Variants in RGS21 observed in about 807,000 individuals in gnomAD.
RGS21 encodes regulator of G protein signaling 21.
Under a neutral mutation model 18.7 loss-of-function variants are expected in RGS21, and 19 were observed. That is an observed-to-expected ratio of 1.01 (90% CI 0.71 to 1.49). The LOEUF (loss-of-function observed/expected upper bound fraction) is 1.49. Ranked by LOEUF, RGS21 falls within the 40% of genes most tolerant of loss-of-function variation. RGS21 has a pLI of 0.00. For synonymous variants in RGS21, 56 were observed against 57.8 expected (o/e 0.97, Z 0.14); for missense variants, 194 against 176.8 (o/e 1.10, Z -0.55).
chr1:192,334,963 T>C (rs770428992), intron 1 of RGS21, among the ~76,000 whole-genome samples: 7 of 152,148 alleles, frequency 4.6e-5, no homozygotes, highest in Non-Finnish European at 1.0e-4. Context: ...CTTTTTAACA[T>C]GTATTTCATA....
At chr1:192,352,983 G>A (rs1305905144) in intron 4 of RGS21, among the ~76,000 whole-genome samples, 4 of 152,076 alleles carry the variant, frequency 2.6e-5, no homozygotes, top group Middle Eastern at 3.4e-3. Context: ...AACAAAGAGC[G>A]TTAATGTATA....
At position 192,333,269 on chromosome 1, in the gene RGS21, TACACAC is replaced by T. The variant is rs137948736; in HGVS notation, c.-60-9679_-60-9674del. ...GAAAATAATTTGGCAGTTTCTTAAA[TACACAC>T]ACACACACACACACACACACACACA... On this transcript the variant is annotated intron_variant, in intron 1 of 4. Coordinates refer to ENST00000417209, the MANE Select transcript of RGS21 (RefSeq NM_001039152.3). Among the ~76,000 whole-genome samples, 468 of 143,010 alleles carry T rather than the reference TACACAC, an allele frequency of 3.3e-3. 2 individuals carry two copies. The highest frequency in any genetic ancestry group is 0.011 in the African/African-American group (435 of 38,618). 93.8% of individuals were successfully genotyped at this position (143,010 alleles called of 152,430 possible).
intron 1 of RGS21, among the ~76,000 whole-genome samples, chr1:192,341,162 T>C (rs916053467): frequency 2.0e-5 from 3 of 152,062 alleles, no homozygotes; most frequent in African/African-American, 7.2e-5. Context: ...CATCTTGTTT[T>C]CATCCTGAAA....
chr1:192,342,592 C>T (rs1431262381), intron 1 of RGS21, among the ~76,000 whole-genome samples: 1 of 151,452 alleles, frequency 6.6e-6, no homozygotes, highest in African/African-American at 2.4e-5. Flanking sequence ...AATCAAAGAA[C>T]AAAGGAAAAC....
At chr1:192,347,694 C>T (rs1007525979) in intron 3 of RGS21, among the ~76,000 whole-genome samples, 1 of 152,114 alleles carries the variant, frequency 6.6e-6, no homozygotes, top group Non-Finnish European at 1.5e-5. Flanking sequence ...CTCACTCTCT[C>T]TCTCTATCAG....
At chr1:192,334,405 A>G (rs913637497) in intron 1 of RGS21, among the ~76,000 whole-genome samples, 4 of 152,178 alleles carry the variant, frequency 2.6e-5, no homozygotes, top group Non-Finnish European at 4.4e-5. Flanking sequence ...TTAGAATTGA[A>G]TTATATTCTA....
rs560217484 is a variant in RGS21 at position 192,354,911 on chromosome 1, T to C, written c.255+2698T>C. 4.0e-5 allele frequency among the ~76,000 whole-genome samples: 6 copies of C among 151,896 alleles called. No homozygotes were observed. In the South Asian group the frequency reaches 1.2e-3, roughly 31 times the overall value. ...TACAATTAAACTATATGAAACTTAC[T>C]AAATTATCCCTGACTATAAATTGAC... On this transcript the variant is annotated intron_variant, in intron 4 of 4. Coordinates refer to ENST00000417209, the MANE Select transcript of RGS21 (RefSeq NM_001039152.3).
At chr1:192,357,084 T>C (rs1413113535) in intron 4 of RGS21, among the ~76,000 whole-genome samples, 1 of 151,682 alleles carries the variant, frequency 6.6e-6, no homozygotes, top group Non-Finnish European at 1.5e-5. Flanking sequence ...AACAAGGAAA[T>C]ATAAGGTGAG....
intron 1 of RGS21, among the ~76,000 whole-genome samples, chr1:192,327,302 C>T (rs766731856): frequency 1.3e-5 from 2 of 151,676 alleles, no homozygotes; most frequent in Non-Finnish European, 2.9e-5. Context: ...GAAAAAGCAT[C>T]AGAAAAAAGA....
intron 1 of RGS21, among the ~76,000 whole-genome samples, chr1:192,321,756 G>A (rs933364616): frequency 2.0e-5 from 3 of 151,920 alleles, no homozygotes; most frequent in Non-Finnish European, 4.4e-5. Flanking sequence ...ACTCTTTGAT[G>A]TATTAAAAAG....
intron 4 of RGS21, among the ~76,000 whole-genome samples, chr1:192,360,713 C>G (rs1249166140): frequency 2.6e-5 from 4 of 152,108 alleles, no homozygotes; most frequent in Non-Finnish European, 4.4e-5. Flanking sequence ...TGATTTGGCA[C>G]CTTTATGCCT....
intron 3 of RGS21, among the ~76,000 whole-genome samples, chr1:192,348,235 A>T (rs1658985183): frequency 1.3e-5 from 2 of 151,966 alleles, no homozygotes; most frequent in Non-Finnish European, 2.9e-5. Flanking sequence ...CACATTAGCC[A>T]GGCTGGTCTC....
chr1:192,351,372 C>G (rs1424253330), intron 3 of RGS21, among the ~76,000 whole-genome samples: 1 of 152,076 alleles, frequency 6.6e-6, no homozygotes, highest in Non-Finnish European at 1.5e-5. Context: ...GCTCTTCCTT[C>G]TTTGCTTTAA....
intron 4 of RGS21, among the ~76,000 whole-genome samples, chr1:192,365,103 T>C (rs930781878): frequency 3.3e-5 from 5 of 149,664 alleles, no homozygotes; most frequent in Non-Finnish European, 7.4e-5. Context: ...GCCATTGCAC[T>C]CCAGCCTGGG....
At chr1:192,333,628 C>CAAAAAAA (rs376989840) in intron 1 of RGS21, among the ~76,000 whole-genome samples, 32 of 102,408 alleles carry the variant, frequency 3.1e-4, no homozygotes, top group Admixed American at 4.7e-4. Context: ...CTCAAAATGA[C>CAAAAAAA]AAAAAAAAAA....
intron 4 of RGS21, among the ~76,000 whole-genome samples, chr1:192,359,782 C>A (rs12116532): frequency 0.3 from 44,027 of 144,604 alleles, 6,978 homozygotes; most frequent in African/African-American, 0.4. Context: ...CTCTCTCTCT[C>A]TATATATATA....
At chr1:192,364,804 A>G (rs1571465948) in intron 4 of RGS21, among the ~76,000 whole-genome samples, 2 of 151,912 alleles carry the variant, frequency 1.3e-5, no homozygotes, top group Non-Finnish European at 2.9e-5. Flanking sequence ...CAGATACAGA[A>G]CCCGCCTATG....
chr1:192,324,829 C>G (rs1474749293), intron 1 of RGS21, among the ~76,000 whole-genome samples: 1 of 151,958 alleles, frequency 6.6e-6, no homozygotes, highest in African/African-American at 2.4e-5. Context: ...CTACAAAGTC[C>G]ATCCCAGGCC....
intron 1 of RGS21, among the ~76,000 whole-genome samples, chr1:192,342,656 A>G (rs1226068614): frequency 6.6e-6 from 1 of 151,574 alleles, no homozygotes; most frequent in Non-Finnish European, 1.5e-5. Flanking sequence ...AATTATAAAT[A>G]TGTATATTTA....
Sources: allele counts gnomAD v4.1 joint callset (sites outside exome capture counted in the v4.1 genomes callset), GRCh38; gene constraint gnomAD v4.1.1; transcripts MANE v1.5; gene names NCBI Gene and HGNC (gene_info 2026-07-23, HGNC 2026-07-21).